The following ADAP1 variants were observed in gnomAD, a reference collection of about 807,000 sequenced individuals.
The protein encoded by ADAP1 is ArfGAP with dual PH domains 1, also known as arf-GAP with dual PH domain-containing protein 1.
Under a neutral mutation model 54.9 loss-of-function variants are expected in ADAP1, and 31 were observed. The ratio of observed to expected loss-of-function variants is 0.56; its 90% confidence interval spans 0.42 to 0.76. The LOEUF (loss-of-function observed/expected upper bound fraction) is 0.76. Among genes scored for constraint, ADAP1 ranks in the 30% least tolerant of loss-of-function variants. ADAP1 has a pLI of 0.00. For synonymous variants in ADAP1, 313 were observed against 202.6 expected (o/e 1.55, Z -4.63); for missense variants, 535 against 512.4 (o/e 1.04, Z -0.42).
At chr7:907,338 G>A (rs1048776578) in intron 4 of ADAP1, among the ~76,000 whole-genome samples, 5 of 152,260 alleles carry the variant, frequency 3.3e-5, no homozygotes, top group East Asian at 3.9e-4. Flanking sequence ...AGGAGGGAAG[G>A]GGACGTGGCC....
chr7:901,249 G>C lies in ADAP1; in HGVS notation c.649-633C>G. 1.7e-5 allele frequency: 6 copies of C among 353,470 alleles called. 1 individual carries two copies. The highest frequency in any genetic ancestry group is 1.3e-4 in the South Asian group (6 of 46,494). 21.9% of individuals were successfully genotyped at this position (353,470 alleles called of 1,614,324 possible). On this transcript the variant is annotated intron_variant, in intron 6 of 10. Coordinates refer to ENST00000265846, the MANE Select transcript of ADAP1 (RefSeq NM_006869.4). The stretch of plus-strand genomic sequence containing the variant: ...GCCCTCTGGGTCTAGACTTCAGCCT[G>C]GCTGTCCCCTGCCCCTAGACCCAGC...
At position 946,604 on chromosome 7, in the gene ADAP1, G is replaced by A. The variant is rs111502572; in HGVS notation, c.82+7792C>T. Reference sequence around the variant, plus strand: ...CCTCCTGGTGCTCCAGCCCCATGGCGGGAACCCCACGGTGAAGGCCATCCC... The same window carrying A: ...CCTCCTGGTGCTCCAGCCCCATGGCAGGAACCCCACGGTGAAGGCCATCCC... On this transcript the variant is annotated intron_variant, in intron 1 of 10. Coordinates refer to ENST00000265846, the MANE Select transcript of ADAP1 (RefSeq NM_006869.4). The surrounding 1 kb of genome is among the most constrained non-coding windows in gnomAD (Gnocchi z 4.3). Among the ~76,000 whole-genome samples the A allele has an allele frequency of 3.7e-3, 546 of 146,222 alleles. 5 individuals carry two copies. Among genetic ancestry groups the A allele is most frequent in the African/African-American group, 0.013 (510 of 39,384 alleles).
At chr7:909,575 G>A (rs1387275582) in intron 4 of ADAP1, among the ~76,000 whole-genome samples, 1 of 152,214 alleles carries the variant, frequency 6.6e-6, no homozygotes, top group Non-Finnish European at 1.5e-5. Flanking sequence ...CCCCATGCCT[G>A]GCCAGCCCCT....
chr7:914,487 C>T (rs1845850374), intron 4 of ADAP1, among the ~76,000 whole-genome samples: 2 of 152,316 alleles, frequency 1.3e-5, no homozygotes, highest in Middle Eastern at 3.4e-3. Flanking sequence ...GGAGGAGGCT[C>T]TGCCCACGGG....
chr7:908,732 G>A (rs898400502), intron 4 of ADAP1, among the ~76,000 whole-genome samples: 7 of 152,180 alleles, frequency 4.6e-5, no homozygotes, highest in African/African-American at 1.7e-4. Flanking sequence ...AGAAGTGCCC[G>A]GGGAGGCATC....
At chr7:902,084 G>C (rs1179204363) in intron 6 of ADAP1, among the ~76,000 whole-genome samples, 2 of 152,036 alleles carry the variant, frequency 1.3e-5, no homozygotes, top group Non-Finnish European at 2.9e-5. Flanking sequence ...CGTCTGCCCT[G>C]GGCGGGGGGA....
intron 4 of ADAP1, among the ~76,000 whole-genome samples, chr7:906,768 TGGGGGA>T (rs1845458585): frequency 4.0e-5 from 1 of 24,706 alleles, no homozygotes; most frequent in African/African-American, 1.2e-4. Context: ...ACAGGGGACA[TGGGGGA>T]CAGGGGACAC....
At chr7:906,232 GGGAGAAA>G in intron 4 of ADAP1, among the ~76,000 whole-genome samples, 1 of 252 alleles carries the variant, frequency 4.0e-3, no homozygotes, top group Non-Finnish European at 7.4e-3. Context: ...AAAGGAGAAA[GGGAGAAA>G]GGAGAAAGGG....
rs771075548 is a variant in ADAP1 at position 935,049 on chromosome 7, C to T, written c.213+326G>A. On this transcript the variant is annotated intron_variant, in intron 2 of 10. Coordinates refer to ENST00000265846, the MANE Select transcript of ADAP1 (RefSeq NM_006869.4). ...AGACAGGGTCTCTTTTACCCTGAGCCCAGTGCTCCAGGTGTGGGGATTTGA... is the reference window on the plus strand; with the variant it reads ...AGACAGGGTCTCTTTTACCCTGAGCTCAGTGCTCCAGGTGTGGGGATTTGA... 76 of 485,786 alleles carry T rather than the reference C, an allele frequency of 1.6e-4. 1 individual carries two copies. The highest frequency in any genetic ancestry group is 2.6e-4 in the Non-Finnish European group (65 of 246,426). 30.1% of individuals were successfully genotyped at this position (485,786 alleles called of 1,614,324 possible). A position where few individuals can be genotyped will look rare whatever the true frequency, so the allele number is the denominator to read the frequency against.
intron 1 of ADAP1, among the ~76,000 whole-genome samples, chr7:948,455 C>T (rs1232695112): frequency 6.6e-6 from 1 of 152,146 alleles, no homozygotes; most frequent in Non-Finnish European, 1.5e-5. Context: ...CTTCCAAAGC[C>T]TTCCCCTGCA....
chr7:922,516 C>A (rs927947987), intron 3 of ADAP1, among the ~76,000 whole-genome samples: 2 of 152,164 alleles, frequency 1.3e-5, no homozygotes, highest in Non-Finnish European at 2.9e-5. Flanking sequence ...CCCCGCTTTC[C>A]CCAGGACGGG....
In ADAP1 at chr7:920,895, A is replaced by G; in HGVS notation, c.306-845T>C. 6.5e-7 allele frequency: 1 copy of G among 1,549,214 alleles called. No homozygotes were observed. Among genetic ancestry groups the G allele is most frequent in the Non-Finnish European group, 8.7e-7 (1 of 1,146,276 alleles). On this transcript the variant is annotated intron_variant, in intron 3 of 10. Transcript: ENST00000265846. This position sits in a 1 kb window ranked among gnomAD's most constrained non-coding sequence, Gnocchi z 4.5. ...TTCCACTCCCAGGGAATTACGCGGC[A>G]AAGAACAAATAGGAACCCTGTGGCT... is the stretch of plus-strand genomic sequence containing the variant.
At chr7:935,671 T>TCCCCCCC in intron 1 of ADAP1, among the ~76,000 whole-genome samples, 166 bp from the exon 2 acceptor site, 1 of 146,508 alleles carries the variant, frequency 6.8e-6, no homozygotes. Context: ...TAACCCCAGC[T>TCCCCCCC]CCCCCCCCGC....
intron 4 of ADAP1, among the ~76,000 whole-genome samples, chr7:913,987 G>A (rs1223904347): frequency 6.6e-6 from 1 of 152,208 alleles, no homozygotes; most frequent in Non-Finnish European, 1.5e-5. Context: ...CTTTTGGGTG[G>A]CCTAACAGAG....
intron 4 of ADAP1, among the ~76,000 whole-genome samples, chr7:906,716 T>TGGGTGA (rs1845433806): frequency 4.9e-5 from 1 of 20,426 alleles, no homozygotes; most frequent in Non-Finnish European, 9.0e-5. Context: ...GGACGGGACA[T>TGGGTGA]CGGGGACGGG....
chr7:899,490 G>T lies in ADAP1; in HGVS notation c.796C>A (p.Gln266Lys). 1 of 1,612,768 alleles carries T rather than the reference G, an allele frequency of 6.2e-7. No individual in the cohort carries two copies. The highest frequency in any genetic ancestry group is 1.1e-5 in the South Asian group (1 of 91,026). Residue 266 changes from glutamine (Q) to lysine (K), a missense_variant and splice_region_variant, in exon 9 of 11, where the codon CAA (glutamine) becomes AAA (lysine). Transcript: ENST00000265846. The part of the protein sequence containing the change: ...EGYMEKTGPK[Q>K]TEGFRKRWFT... ...CAGCGCTTCCGGAAGCCTTCCGTTTGCTGTGGGTCAGAGAGGGCCCGTGAC... is the reference window on the plus strand; with the variant it reads ...CAGCGCTTCCGGAAGCCTTCCGTTTTCTGTGGGTCAGAGAGGGCCCGTGAC...
At position 920,295 on chromosome 7, in the gene ADAP1, C is replaced by T. The variant is rs534701569; in HGVS notation, c.306-245G>A. ...TCGGCCCCCGGAGCATCAGGCCTCA[C>T]GTTCTGCACAAGCGTTCCCGGTGGA... On this transcript the variant is annotated intron_variant, in intron 3 of 10. Transcript: ENST00000265846. The surrounding 1 kb of genome is among the most constrained non-coding windows in gnomAD (Gnocchi z 4.5). 1.3e-5 allele frequency among the ~76,000 whole-genome samples: 2 copies of T among 152,248 alleles called. No individual in the cohort carries two copies. Among genetic ancestry groups the T allele is most frequent in the East Asian group, 1.9e-4 (1 of 5,166 alleles).
At chr7:910,266 G>A (rs541541450) in intron 4 of ADAP1, among the ~76,000 whole-genome samples, 2 of 151,480 alleles carry the variant, frequency 1.3e-5, no homozygotes, top group African/African-American at 2.4e-5. Context: ...ACCCGTTTAC[G>A]AGGCTTTTTT....
chr7:905,892 A>T (rs1247026418), intron 4 of ADAP1, among the ~76,000 whole-genome samples: 4 of 44,116 alleles, frequency 9.1e-5, no homozygotes, highest in African/African-American at 2.7e-4. Context: ...GAGAAAGGAG[A>T]AAGGAGAAAG....
Sources: allele counts gnomAD v4.1 joint callset (sites outside exome capture counted in the v4.1 genomes callset), GRCh38; gene constraint gnomAD v4.1.1; non-coding constraint Gnocchi (gnomAD v3.1); transcripts MANE v1.5; gene names NCBI Gene and HGNC (gene_info 2026-07-23, HGNC 2026-07-21).